AOAH: variants seen among roughly 807,000 people sequenced by gnomAD.
AOAH encodes the protein acyloxyacyl hydrolase (neutrophil).
A neutral mutation model predicts 92.2 loss-of-function variants in AOAH; 64 were observed. The observed-to-expected ratio is 0.69, with a 90% CI of 0.57 to 0.86. The LOEUF is 0.86. AOAH is among the 40% of genes least tolerant of loss of function. The probability of loss-of-function intolerance (pLI) is 0.00; values close to 1 mark genes in which losing one functional copy is unlikely to be tolerated. For synonymous variants in AOAH, 263 were observed against 254.5 expected, an observed-to-expected ratio of 1.03 and a Z score of -0.32; for missense variants, 656 against 694.6, an observed-to-expected ratio of 0.94 and a Z score of 0.62.
At chr7:36,595,050 T>C (rs542501480) in intron 11 of AOAH, among the ~76,000 whole-genome samples, 1 of 152,284 alleles carries the variant, frequency 6.6e-6, no homozygotes, top group African/African-American at 2.4e-5. Flanking sequence ...TTGACAAAAA[T>C]AGGATTCATT....
intron 18 of AOAH, chr7:36,530,721 A>C: frequency 2.0e-6 from 1 of 510,072 alleles, no homozygotes; most frequent in Non-Finnish European, 3.5e-6. Flanking sequence ...GTTCATTAGG[A>C]ATCAAATCAG....
intron 4 of AOAH, among the ~76,000 whole-genome samples, chr7:36,639,988 A>ACAGGATGTGGCAAGTG (rs1246228837): frequency 6.6e-6 from 1 of 152,168 alleles, no homozygotes; most frequent in Non-Finnish European, 1.5e-5. Flanking sequence ...AGCTATGAAA[A>ACAGGATGTGGCAAGTG]CAGGATGTGG....
At chr7:36,594,764 C>A in intron 11 of AOAH, 1 of 341,686 alleles carries the variant, frequency 2.9e-6, no homozygotes, top group African/African-American at 2.1e-5. Flanking sequence ...GCAGTTTAGG[C>A]CATCAGAAAG....
chr7:36,532,426 C>G, intron 16 of AOAH, 82 bp from the exon 17 acceptor site: 1 of 1,310,740 alleles, frequency 7.6e-7, no homozygotes, highest in Non-Finnish European at 1.1e-6. Context: ...CCCTGCCTCC[C>G]TTGCAGAAAG....
intron 10 of AOAH, 81 bp downstream of exon 10, chr7:36,618,216 G>A (rs555349434): frequency 1.6e-6 from 2 of 1,222,768 alleles, no homozygotes; most frequent in African/African-American, 1.5e-5. Context: ...TTCTGACTTA[G>A]GTGGTCTGCT....
intron 11 of AOAH, among the ~76,000 whole-genome samples, chr7:36,606,325 A>T (rs1791000241): frequency 1.3e-5 from 2 of 152,202 alleles, no homozygotes; most frequent in South Asian, 4.1e-4. Flanking sequence ...GGGAGAAATG[A>T]AGTGCATATA....
At chr7:36,526,689 TTTC>T (rs1784411269) in intron 19 of AOAH, among the ~76,000 whole-genome samples, 1 of 152,242 alleles carries the variant, frequency 6.6e-6, no homozygotes, top group South Asian at 2.1e-4. Flanking sequence ...TTTGTTTTGT[TTTC>T]TTCTTCTTTA....
chr7:36,572,363 T>A (rs906748241), intron 13 of AOAH, among the ~76,000 whole-genome samples: 2 of 151,064 alleles, frequency 1.3e-5, no homozygotes, highest in African/African-American at 4.9e-5. Flanking sequence ...ATGAATAAAA[T>A]AAAAAATAAA....
intron 11 of AOAH, among the ~76,000 whole-genome samples, chr7:36,608,552 G>T (rs1425526348): frequency 6.6e-6 from 1 of 152,196 alleles, no homozygotes; most frequent in East Asian, 1.9e-4. Context: ...TGACAAGGTA[G>T]CCATCATTAT....
intron 15 of AOAH, among the ~76,000 whole-genome samples, chr7:36,546,024 G>C (rs1364535068): frequency 2.0e-5 from 3 of 152,238 alleles, no homozygotes; most frequent in Admixed American, 2.0e-4. Flanking sequence ...AGGAAGCTGA[G>C]TTAGCCTAAA....
chr7:36,528,905 G>A (rs1986877), intron 19 of AOAH, among the ~76,000 whole-genome samples: 73,619 of 152,058 alleles, frequency 0.48, 18,585 homozygotes, highest in East Asian at 0.68. Flanking sequence ...TGACCTGTGG[G>A]TTGTGTTTGA....
chr7:36,695,303 G>GA (rs1286482562), intron 1 of AOAH, among the ~76,000 whole-genome samples: 1 of 151,996 alleles, frequency 6.6e-6, no homozygotes, highest in Non-Finnish European at 1.5e-5. Flanking sequence ...TTTATAATTA[G>GA]AAAAAAGCAA....
At chr7:36,548,516 C>T (rs958107102) in intron 15 of AOAH, 96 bp downstream of exon 15, 3 of 1,035,502 alleles carry the variant, frequency 2.9e-6, no homozygotes, top group Admixed American at 1.8e-5. Flanking sequence ...TTCAGCTGAA[C>T]AGCAGGCTGC....
At chr7:36,600,785 C>T (rs1790511306) in intron 11 of AOAH, among the ~76,000 whole-genome samples, 1 of 152,156 alleles carries the variant, frequency 6.6e-6, no homozygotes, top group African/African-American at 2.4e-5. Context: ...CGTGAGGCTT[C>T]CTGGTTGCCT....
chr7:36,669,928 A>C (rs1347074506), intron 3 of AOAH, among the ~76,000 whole-genome samples: 1 of 152,198 alleles, frequency 6.6e-6, no homozygotes, highest in East Asian at 1.9e-4. Context: ...AGGAATGGAG[A>C]GAGCAATGGC....
intron 16 of AOAH, among the ~76,000 whole-genome samples, chr7:36,533,457 G>A (rs979147064): frequency 3.3e-5 from 5 of 152,118 alleles, no homozygotes; most frequent in African/African-American, 9.7e-5. Context: ...AGGTGAGTGA[G>A]TCCCAAGACA....
At chr7:36,656,905 G>A (rs1163205356) in intron 4 of AOAH, among the ~76,000 whole-genome samples, 1 of 149,678 alleles carries the variant, frequency 6.7e-6, no homozygotes, top group Non-Finnish European at 1.5e-5. Flanking sequence ...GTACCAAGAA[G>A]CTTTTTTGGG....
chr7:36,715,079 C>T (rs1369073760), intron 1 of AOAH, among the ~76,000 whole-genome samples: 3 of 152,054 alleles, frequency 2.0e-5, no homozygotes, highest in African/African-American at 7.2e-5. Context: ...CTAGAAAACC[C>T]CATCATCTCT....
intron 20 of AOAH, among the ~76,000 whole-genome samples, chr7:36,514,250 G>A (rs778257765): frequency 2.0e-5 from 3 of 151,930 alleles, no homozygotes; most frequent in Admixed American, 2.0e-4. Context: ...AACTGCAATG[G>A]TAGAGGACAC....
Sources: allele counts gnomAD v4.1 joint callset (sites outside exome capture counted in the v4.1 genomes callset), GRCh38; gene constraint gnomAD v4.1.1; transcripts MANE v1.5; gene names NCBI Gene and HGNC (gene_info 2026-07-23, HGNC 2026-07-21).